The following TNIK variants were observed in gnomAD, a reference collection of about 807,000 sequenced individuals.
TNIK encodes the protein TRAF2 and NCK interacting kinase, also known as TRAF2 and NCK-interacting protein kinase.
A neutral mutation model predicts 191.3 loss-of-function variants in TNIK; 49 were observed. The observed-to-expected ratio is 0.26, with a 90% CI of 0.20 to 0.32. TNIK has a LOEUF of 0.32. Ranked by LOEUF, TNIK falls within the 10% of genes least tolerant of loss-of-function variation. The pLI, the probability that TNIK is intolerant of heterozygous loss-of-function variation, is 1.00. For missense variants in TNIK, 1,155 were observed against 1,702.3 expected (o/e 0.68, Z 5.66); for synonymous variants, 594 against 600.9 (o/e 0.99, Z 0.17).
At chr3:171,253,061 G>A (rs1746420584) in intron 2 of TNIK, among the ~76,000 whole-genome samples, 2 of 151,952 alleles carry the variant, frequency 1.3e-5, no homozygotes, top group South Asian at 4.2e-4. Flanking sequence ...TGGATCACGA[G>A]GTCAGGAGTT....
At chr3:171,459,912 G>A in intron 1 of TNIK, 95 bp downstream of exon 1, 1 of 1,361,236 alleles carries the variant, frequency 7.3e-7, no homozygotes, top group Non-Finnish European at 1.0e-6. Flanking sequence ...TCCCGCTGCT[G>A]TCCCCCTGCC....
chr3:171,400,304 C>A (rs921778946), intron 1 of TNIK, among the ~76,000 whole-genome samples: 1 of 152,110 alleles, frequency 6.6e-6, no homozygotes, highest in Non-Finnish European at 1.5e-5. Flanking sequence ...GTAGGTCACA[C>A]CTGTAATCCC....
intron 12 of TNIK, among the ~76,000 whole-genome samples, chr3:171,143,938 T>A (rs923147875): frequency 6.6e-6 from 1 of 152,196 alleles, no homozygotes; most frequent in African/African-American, 2.4e-5. Context: ...CACTGGAATG[T>A]ACCTGTTTGC....
At position 171,222,565 on chromosome 3, in the gene TNIK, C is replaced by A. The variant is rs116112814; in HGVS notation, c.180+5600G>T. On this transcript the variant is annotated intron_variant, in intron 3 of 32. Transcript: ENST00000436636. ...CTTTGGGATGAAAGAACCAAATGTA[C>A]TTGGAACAATGTGTCCACCTTACTC... Among the ~76,000 whole-genome samples the A allele has an allele frequency of 5.3e-3, 801 of 152,238 alleles. 12 individuals are homozygous for A. The highest frequency in any genetic ancestry group is 0.019 in the African/African-American group (770 of 41,544).
At chr3:171,103,244 C>A (rs1192247447) in intron 21 of TNIK, among the ~76,000 whole-genome samples, 1 of 151,924 alleles carries the variant, frequency 6.6e-6, no homozygotes, top group Non-Finnish European at 1.5e-5. Context: ...GTATTTGCTC[C>A]ATCTGTGAAA....
intron 9 of TNIK, among the ~76,000 whole-genome samples, chr3:171,171,712 G>A (rs13063829): frequency 6.6e-6 from 1 of 152,188 alleles, no homozygotes. Flanking sequence ...GCGAGGGCAG[G>A]TGAGTGTGGA....
At chr3:171,414,581 T>C (rs913393130) in intron 1 of TNIK, among the ~76,000 whole-genome samples, 3 of 152,214 alleles carry the variant, frequency 2.0e-5, no homozygotes, top group African/African-American at 7.2e-5. Flanking sequence ...GTGTGCTAAG[T>C]GGGACTGCTC....
chr3:171,161,183 C>T (rs901113053), intron 11 of TNIK, 87 bp downstream of exon 11: 43 of 1,414,160 alleles, frequency 3.0e-5, no homozygotes, highest in Non-Finnish European at 3.6e-5. Flanking sequence ...TTCTTAAAAA[C>T]GAACCTATAA....
rs1215170382 is a variant in TNIK at position 171,062,036 on chromosome 3, T to C, written c.*1845A>G. On this transcript the variant is annotated 3_prime_UTR_variant, in exon 33 of 33. Coordinates refer to ENST00000436636, the MANE Select transcript of TNIK (RefSeq NM_015028.4). ...ATAATGTAATCCAGAAACTAGAATG[T>C]TTCCCCTTCTCTTCCCCATCTTGCC... The C allele has an allele frequency of 6.6e-6, 1 of 152,200 alleles. No homozygotes were observed. The highest frequency in any genetic ancestry group is 2.4e-5 in the African/African-American group (1 of 41,464). The allele number at this position is 152,200 out of a possible 1,614,324, so 9.4% of individuals were successfully genotyped here.
At chr3:171,244,209 C>T (rs992158578) in intron 2 of TNIK, among the ~76,000 whole-genome samples, 7 of 151,954 alleles carry the variant, frequency 4.6e-5, no homozygotes, top group Non-Finnish European at 4.4e-5. Context: ...GGACTACAGG[C>T]GCCCGCCACC....
chr3:171,333,176 G>A (rs1392189317), intron 2 of TNIK, among the ~76,000 whole-genome samples: 1 of 151,986 alleles, frequency 6.6e-6, no homozygotes, highest in East Asian at 1.9e-4. Context: ...GAGTGTGTGT[G>A]TGTGTCTCTT....
At chr3:171,446,514 A>C (rs1315337172) in intron 1 of TNIK, among the ~76,000 whole-genome samples, 2 of 152,242 alleles carry the variant, frequency 1.3e-5, no homozygotes, top group East Asian at 3.8e-4. Flanking sequence ...GCCCTCTGCA[A>C]GACCAACTAC....
At chr3:171,192,507 A>G (rs955393784) in intron 5 of TNIK, among the ~76,000 whole-genome samples, 2 of 152,220 alleles carry the variant, frequency 1.3e-5, no homozygotes, top group Non-Finnish European at 2.9e-5. Flanking sequence ...AAAGGAGGAA[A>G]GCCATTGTTT....
At chr3:171,334,855 T>C (rs566278296) in intron 2 of TNIK, among the ~76,000 whole-genome samples, 7 of 146,614 alleles carry the variant, frequency 4.8e-5, no homozygotes, top group Non-Finnish European at 1.0e-4. Context: ...GAATCCTGTA[T>C]AGTTGATCTT....
chr3:171,242,957 A>G (rs146405575), intron 2 of TNIK, among the ~76,000 whole-genome samples: 77 of 152,342 alleles, frequency 5.1e-4, no homozygotes, highest in Non-Finnish European at 9.0e-4. Context: ...AACCCATAAA[A>G]AAATCTTTGG....
At chr3:171,228,329 G>A (rs1297567533) in intron 2 of TNIK, 108 bp from the exon 3 acceptor site, 4 of 1,093,240 alleles carry the variant, frequency 3.7e-6, no homozygotes, top group Admixed American at 2.1e-5. Context: ...CTATGTCAAT[G>A]GGGGGAGAGA....
chr3:171,245,566 T>TA (rs201701654), intron 2 of TNIK, among the ~76,000 whole-genome samples: 2,899 of 116,608 alleles, frequency 0.025, 65 homozygotes, highest in African/African-American at 0.076. Flanking sequence ...ACTTTAACAA[T>TA]AAAAAAAAAA....
intron 19 of TNIK, among the ~76,000 whole-genome samples, chr3:171,109,665 C>T (rs1293604224): frequency 6.6e-6 from 1 of 152,188 alleles, no homozygotes; most frequent in East Asian, 1.9e-4. Context: ...TAATATTTGT[C>T]AAATTGCAAT....
chr3:171,253,828 AG>A (rs1211499434), intron 2 of TNIK, among the ~76,000 whole-genome samples: 1 of 152,192 alleles, frequency 6.6e-6, no homozygotes, highest in African/African-American at 2.4e-5. Flanking sequence ...TCATTCTTGA[AG>A]GTTGGAAAAC....
Sources: allele counts gnomAD v4.1 joint callset (sites outside exome capture counted in the v4.1 genomes callset), GRCh38; gene constraint gnomAD v4.1.1; transcripts MANE v1.5; gene names NCBI Gene and HGNC (gene_info 2026-07-23, HGNC 2026-07-21).